The following B4GALT1 variants were observed in gnomAD, a reference collection of about 807,000 sequenced individuals.
B4GALT1 encodes the protein N-acetyllactosamine synthase.
In B4GALT1, 16 loss-of-function variants were observed where a neutral mutation model predicts 34.9. The ratio of observed to expected loss-of-function variants is 0.46; its 90% CI spans 0.31 to 0.70. The LOEUF is 0.70. Ranked by LOEUF, B4GALT1 falls within the 30% of genes least tolerant of loss-of-function variation. The pLI, the probability that B4GALT1 is intolerant of heterozygous loss-of-function variation, is 0.05. For synonymous variants in B4GALT1, 221 were observed against 218.1 expected (o/e 1.01, Z -0.12); for missense variants, 445 against 530.5 (o/e 0.84, Z 1.58).
the B4GALT1 span, among the ~76,000 whole-genome samples, chr9:33,184,253 T>TAGACACACACACACAC: frequency 4.8e-5 from 7 of 147,116 alleles, no homozygotes; most frequent in Non-Finnish European, 9.0e-5. Context: ...GTCACTCTTG[T>TAGACACACACACACAC]ACACACACAC....
At chr9:33,128,500 T>C (rs1261889321) in intron 2 of B4GALT1, among the ~76,000 whole-genome samples, 1 of 151,850 alleles carries the variant, frequency 6.6e-6, no homozygotes, top group Non-Finnish European at 1.5e-5. Context: ...GAGACACACA[T>C]AGACTAGGTG....
chr9:33,155,143 G>A (rs1319672313), intron 1 of B4GALT1, among the ~76,000 whole-genome samples: 4 of 152,172 alleles, frequency 2.6e-5, no homozygotes, highest in African/African-American at 9.7e-5. Flanking sequence ...ACTCTGGAGA[G>A]CATCCCAGCC....
At chr9:33,143,900 C>A (rs1210400513) in intron 1 of B4GALT1, among the ~76,000 whole-genome samples, 3 of 144,024 alleles carry the variant, frequency 2.1e-5, no homozygotes, top group Non-Finnish European at 4.5e-5. Flanking sequence ...TTTTTTTAAA[C>A]TGGGTCTTGC....
intron 2 of B4GALT1, among the ~76,000 whole-genome samples, chr9:33,122,511 A>AAAT: frequency 6.6e-6 from 1 of 150,908 alleles, no homozygotes; most frequent in African/African-American, 2.4e-5. Flanking sequence ...CCATCTCAAA[A>AAAT]AAATAAATAA....
chr9:33,140,581 G>T (rs1840334319), intron 1 of B4GALT1, among the ~76,000 whole-genome samples: 1 of 152,184 alleles, frequency 6.6e-6, no homozygotes, highest in South Asian at 2.1e-4. Flanking sequence ...CAAGTATTCA[G>T]GAAACATTTG....
chr9:33,180,364 C>T, the B4GALT1 span, among the ~76,000 whole-genome samples: 37,041 of 152,048 alleles, frequency 0.24, 5,077 homozygotes, highest in East Asian at 0.53. Context: ...CCATCATCTC[C>T]GCAATTTCCA....
chr9:33,157,144 A>ACACACACACACG (rs1840608282), intron 1 of B4GALT1, among the ~76,000 whole-genome samples: 2 of 151,084 alleles, frequency 1.3e-5, no homozygotes, highest in African/African-American at 2.4e-5. Flanking sequence ...ACACACACAC[A>ACACACACACACG]CACACACACA....
At chr9:33,159,390 G>A (rs1840643625) in intron 1 of B4GALT1, among the ~76,000 whole-genome samples, 1 of 152,188 alleles carries the variant, frequency 6.6e-6, no homozygotes, top group Non-Finnish European at 1.5e-5. Context: ...TCACACTGCT[G>A]ACATAATCCT....
intron 1 of B4GALT1, among the ~76,000 whole-genome samples, chr9:33,157,121 T>TACAC (rs199541947): frequency 0.2 from 23,035 of 113,122 alleles, 3,304 homozygotes; most frequent in Admixed American, 0.24. Flanking sequence ...CATAGGGAAC[T>TACAC]ACACACACAC....
chr9:33,116,597 T>C (rs1179747697), intron 3 of B4GALT1, among the ~76,000 whole-genome samples: 1 of 145,084 alleles, frequency 6.9e-6, no homozygotes, highest in Non-Finnish European at 1.5e-5. Context: ...CTCGGCTCAC[T>C]GCAACCTCCG....
At chr9:33,136,862 CCT>C (rs1190778013) in intron 1 of B4GALT1, among the ~76,000 whole-genome samples, 1 of 152,164 alleles carries the variant, frequency 6.6e-6, no homozygotes, top group Non-Finnish European at 1.5e-5. Flanking sequence ...TTCAGCCTGC[CCT>C]GTTTATCAAT....
At chr9:33,165,108 G>C (rs1048507781) in intron 1 of B4GALT1, among the ~76,000 whole-genome samples, 4 of 151,378 alleles carry the variant, frequency 2.6e-5, no homozygotes, top group Non-Finnish European at 4.4e-5. Context: ...GAGTAGCTGC[G>C]ATGCCACCAC....
At chr9:33,149,692 C>T (rs1840482288) in intron 1 of B4GALT1, among the ~76,000 whole-genome samples, 1 of 152,176 alleles carries the variant, frequency 6.6e-6, no homozygotes, top group Non-Finnish European at 1.5e-5. Flanking sequence ...AACAAACTGA[C>T]AGTGTGTGTC....
At chr9:33,129,760 C>A (rs1475383731) in intron 2 of B4GALT1, among the ~76,000 whole-genome samples, 1 of 152,128 alleles carries the variant, frequency 6.6e-6, no homozygotes, top group African/African-American at 2.4e-5. Context: ...CTCCACAGAA[C>A]TAATGAGGTT....
chr9:33,128,096 CCTCTCTCT>C (rs754837121), intron 2 of B4GALT1, among the ~76,000 whole-genome samples: 1 of 150,184 alleles, frequency 6.7e-6, no homozygotes, highest in African/African-American at 2.4e-5. Context: ...GGTCGGCATT[CCTCTCTCT>C]CTCTCTCTCT....
chr9:33,155,306 T>A lies in B4GALT1; in HGVS notation c.412+11452A>T, dbSNP rs1840580136. Reference sequence around the variant, plus strand: ...AGCCCCGAGGTAGAATAAAGCAGGTTATCTACAGGCTTGTGCTTTAGTTTT... The same window carrying A: ...AGCCCCGAGGTAGAATAAAGCAGGTAATCTACAGGCTTGTGCTTTAGTTTT... On this transcript the variant is annotated intron_variant, in intron 1 of 5. Coordinates refer to ENST00000379731, the MANE Select transcript of B4GALT1 (RefSeq NM_001497.4). Among the ~76,000 whole-genome samples the A allele has an allele frequency of 2.0e-5, 3 of 152,206 alleles. No individual in the cohort carries two copies. The South Asian group carries it at 6.2e-4, about 31-fold the overall frequency.
chr9:33,116,369 C>T (rs1398463968), intron 3 of B4GALT1, among the ~76,000 whole-genome samples: 2 of 151,722 alleles, frequency 1.3e-5, no homozygotes, highest in African/African-American at 4.8e-5. Flanking sequence ...GGAGCTGGGA[C>T]TACAGGCGCC....
chr9:33,127,245 G>C (rs1023082063), intron 2 of B4GALT1, among the ~76,000 whole-genome samples: 1 of 152,148 alleles, frequency 6.6e-6, no homozygotes, highest in Non-Finnish European at 1.5e-5. Flanking sequence ...TTACAGGTGT[G>C]AGCCACCACG....
intron 1 of B4GALT1, among the ~76,000 whole-genome samples, chr9:33,148,570 G>A (rs1486899434): frequency 1.3e-5 from 2 of 152,190 alleles, no homozygotes; most frequent in East Asian, 1.9e-4. Flanking sequence ...AAGAAACACT[G>A]GGATGGATGA....
Sources: gnomAD v4.1 joint callset for allele counts (sites outside exome capture counted in the v4.1 genomes callset) on GRCh38, gnomAD v4.1.1 for gene constraint, MANE v1.5 for transcripts, NCBI Gene and HGNC (gene_info 2026-07-23, HGNC 2026-07-21) for gene names.